Variants in MARCHF8 observed in about 807,000 individuals in gnomAD.
MARCHF8 encodes E3 ubiquitin-protein ligase MARCHF8.
MARCHF8 carries 40 observed loss-of-function variants against 51.6 expected under a neutral mutation model. The ratio of observed to expected loss-of-function variants is 0.77; its 90% CI spans 0.60 to 1.01. MARCHF8 has a LOEUF of 1.01. Ranked by LOEUF, MARCHF8 falls within the 50% of genes least tolerant of loss-of-function variation. The pLI, the probability that MARCHF8 is intolerant of heterozygous loss-of-function variation, is 0.00. For missense variants in MARCHF8, 685 were observed against 708.6 expected, an observed-to-expected ratio of 0.97 and a Z score of 0.38; for synonymous variants, 263 against 280.3, an observed-to-expected ratio of 0.94 and a Z score of 0.62.
chr10:45,553,900 C>T (rs2044224222), intron 1 of MARCHF8, among the ~76,000 whole-genome samples: 1 of 152,146 alleles, frequency 6.6e-6, no homozygotes, highest in Non-Finnish European at 1.5e-5. Context: ...TAGAGGGAAC[C>T]ACAATCAGAG....
chr10:45,572,236 T>C (rs2044438361), intron 1 of MARCHF8, among the ~76,000 whole-genome samples: 1 of 147,280 alleles, frequency 6.8e-6, no homozygotes, highest in South Asian at 2.2e-4. Context: ...ACCCCTTCTC[T>C]GTGTCTCTAC....
At chr10:45,568,892 C>T (rs1429435707) in intron 1 of MARCHF8, among the ~76,000 whole-genome samples, 2 of 151,328 alleles carry the variant, frequency 1.3e-5, no homozygotes, top group Admixed American at 1.3e-4. Flanking sequence ...CACGGTAAAA[C>T]CCTGTCTCTA....
upstream of MARCHF8, among the ~76,000 whole-genome samples, chr10:45,536,447 G>A (rs2043971118): frequency 6.6e-6 from 1 of 151,882 alleles, no homozygotes; most frequent in Non-Finnish European, 1.5e-5. Context: ...AGACACCACT[G>A]AGAAAGGGAA....
intron 1 of MARCHF8, among the ~76,000 whole-genome samples, chr10:45,574,695 T>C (rs1838464231): frequency 6.6e-6 from 1 of 152,224 alleles, no homozygotes; most frequent in Non-Finnish European, 1.5e-5. Context: ...CCCTCCTGTC[T>C]GCATGTGGCG....
At chr10:45,526,963 CAAG>C (rs1225888616) in intron 2 of MARCHF8, among the ~76,000 whole-genome samples, 4 of 152,030 alleles carry the variant, frequency 2.6e-5, no homozygotes, top group African/African-American at 9.7e-5. Context: ...AAGTCAATTC[CAAG>C]AAGGACTCTC....
intron 3 of MARCHF8, among the ~76,000 whole-genome samples, chr10:45,473,787 A>G (rs2042737674): frequency 6.6e-6 from 1 of 152,220 alleles, no homozygotes; most frequent in Admixed American, 6.5e-5. Flanking sequence ...TCTTGTGGTT[A>G]CAGCCACCTG....
intron 1 of MARCHF8, among the ~76,000 whole-genome samples, chr10:45,545,524 A>G (rs2044109248): frequency 6.6e-6 from 1 of 152,204 alleles, no homozygotes; most frequent in African/African-American, 2.4e-5. Flanking sequence ...ACCACATCAG[A>G]CTTAGTTGAA....
chr10:45,506,620 T>G (rs1321686752), intron 2 of MARCHF8, among the ~76,000 whole-genome samples: 1 of 152,242 alleles, frequency 6.6e-6, no homozygotes, highest in African/African-American at 2.4e-5. Flanking sequence ...CATTTCTAAG[T>G]AAGACTGAAT....
intron 2 of MARCHF8, among the ~76,000 whole-genome samples, chr10:45,494,868 C>G (rs2043143648): frequency 1.3e-5 from 2 of 152,168 alleles, no homozygotes; most frequent in Admixed American, 1.3e-4. Context: ...CACCTGTAAT[C>G]CCAGCACTTG....
At chr10:45,494,635 T>C (rs549207999) in intron 2 of MARCHF8, among the ~76,000 whole-genome samples, 1 of 152,318 alleles carries the variant, frequency 6.6e-6, no homozygotes, top group South Asian at 2.1e-4. Context: ...AGAAATTAAC[T>C]AAAGATTTCC....
intron 3 of MARCHF8, among the ~76,000 whole-genome samples, chr10:45,465,080 A>C (rs1428771211): frequency 6.6e-6 from 1 of 152,200 alleles, no homozygotes; most frequent in Non-Finnish European, 1.5e-5. Context: ...GAGAGGAAGC[A>C]CTGCAGTGAG....
At position 45,478,134 on chromosome 10, in the gene MARCHF8, T is replaced by C. The variant is rs1564473732; in HGVS notation, c.153+11233A>G. Among the ~76,000 whole-genome samples, 9 of 152,166 alleles carry C rather than the reference T, an allele frequency of 5.9e-5. No homozygotes were observed. The South Asian group carries it at 1.9e-3, about 32-fold the overall frequency. On this transcript the variant is annotated intron_variant, in intron 3 of 7. Coordinates refer to ENST00000453424, the MANE Select transcript of MARCHF8 (RefSeq NM_001282866.2). ...ACATTTCTCAGCACACAGACCATTC[T>C]TCAGGATAGGCCACAGGTTAGGACA...
At chr10:45,582,945 ACAGT>A (rs2044571538) in intron 1 of MARCHF8, among the ~76,000 whole-genome samples, 1 of 152,230 alleles carries the variant, frequency 6.6e-6, no homozygotes, top group Non-Finnish European at 1.5e-5. Flanking sequence ...GGATGTAACC[ACAGT>A]CAGAGAGTGG....
intron 1 of MARCHF8, among the ~76,000 whole-genome samples, chr10:45,546,406 G>A (rs527334235): frequency 3.3e-5 from 5 of 152,108 alleles, no homozygotes; most frequent in South Asian, 2.1e-4. Flanking sequence ...CAGGCAATCC[G>A]CCCGCCTTGG....
intron 2 of MARCHF8, among the ~76,000 whole-genome samples, chr10:45,493,606 G>A (rs1262159138): frequency 6.6e-6 from 1 of 152,078 alleles, no homozygotes; most frequent in Admixed American, 6.5e-5. Flanking sequence ...AATCATTTAG[G>A]GATCTTGCTA....
chr10:45,531,044 T>C (rs1227038272), intron 2 of MARCHF8, among the ~76,000 whole-genome samples: 1 of 152,042 alleles, frequency 6.6e-6, no homozygotes, highest in Non-Finnish European at 1.5e-5. Flanking sequence ...AAAGAAAATA[T>C]TAATGAAATT....
At chr10:45,539,211 A>C (rs2044016917), upstream of MARCHF8, among the ~76,000 whole-genome samples, 2 of 152,244 alleles carry the variant, frequency 1.3e-5, no homozygotes, top group Admixed American at 1.3e-4. Context: ...CCTGCCCCTG[A>C]ATGACTACTG....
intron 3 of MARCHF8, among the ~76,000 whole-genome samples, chr10:45,484,949 G>C (rs2042953572): frequency 6.6e-6 from 1 of 151,406 alleles, no homozygotes; most frequent in African/African-American, 2.4e-5. Context: ...GAATTGAAAA[G>C]AGAAGCATTA....
In MARCHF8 at chr10:45,457,926, C is replaced by T. The variant is rs1210094677; in HGVS notation, c.*313G>A. 6.4e-6 allele frequency: 2 copies of T among 313,444 alleles called. No individual in the cohort carries two copies. Among genetic ancestry groups the T allele is most frequent in the Non-Finnish European group, 1.2e-5 (2 of 173,150 alleles). The allele number at this position is 313,444 out of a possible 1,614,324, so 19.4% of individuals were successfully genotyped here. On this transcript the variant is annotated 3_prime_UTR_variant, in exon 8 of 8. Coordinates refer to ENST00000453424, the MANE Select transcript of MARCHF8 (RefSeq NM_001282866.2). ...CCTGGGCACCCCTGCTCCTCCTCTT[C>T]CCTTGGGATTGGCATTTTATTCTCT...
Sources: allele counts gnomAD v4.1 joint callset (sites outside exome capture counted in the v4.1 genomes callset), GRCh38; gene constraint gnomAD v4.1.1; transcripts MANE v1.5; gene names NCBI Gene and HGNC (gene_info 2026-07-23, HGNC 2026-07-21).